MSI2: variants seen among roughly 807,000 people sequenced by gnomAD.
MSI2 encodes RNA-binding protein Musashi homolog 2.
A neutral mutation model predicts 45.6 loss-of-function variants in MSI2; 17 were observed. The ratio of observed to expected loss-of-function variants is 0.37; its 90% CI spans 0.26 to 0.56. MSI2 has a LOEUF of 0.56. Among genes scored for constraint, MSI2 ranks in the 20% least tolerant of loss-of-function variants. MSI2 has a pLI of 0.77. For missense variants in MSI2, 293 were observed against 444.2 expected (o/e 0.66, Z 3.06); for synonymous variants, 156 against 158.2 (o/e 0.99, Z 0.11).
chr17:57,293,059 C>T (rs898252458), intron 5 of MSI2, among the ~76,000 whole-genome samples: 1 of 151,960 alleles, frequency 6.6e-6, no homozygotes, highest in Admixed American at 6.5e-5. Context: ...TAGAGGTCAC[C>T]TGTTGTAAAT....
At chr17:57,521,570 C>G (rs944544533) in intron 6 of MSI2, among the ~76,000 whole-genome samples, 9 of 152,140 alleles carry the variant, frequency 5.9e-5, no homozygotes, top group Non-Finnish European at 1.2e-4. Flanking sequence ...GCAAGGAGTG[C>G]CTGCTCCTGA....
chr17:57,659,161 G>A (rs1911815688), intron 11 of MSI2, among the ~76,000 whole-genome samples: 1 of 152,280 alleles, frequency 6.6e-6, no homozygotes, highest in African/African-American at 2.4e-5. Flanking sequence ...CTGAGCTCAA[G>A]TGAACCTCTT....
At chr17:57,270,783 C>A (rs1908286170) in intron 5 of MSI2, among the ~76,000 whole-genome samples, 1 of 152,118 alleles carries the variant, frequency 6.6e-6, no homozygotes, top group African/African-American at 2.4e-5. Context: ...CGAAAAATGT[C>A]CCTGCCCCCA....
intron 11 of MSI2, among the ~76,000 whole-genome samples, chr17:57,672,566 AT>A (rs1338922051): frequency 6.6e-6 from 1 of 152,126 alleles, no homozygotes; most frequent in Non-Finnish European, 1.5e-5. Context: ...CTCCCCACCC[AT>A]TAGTTAGGTG....
At chr17:57,403,319 T>TCC (rs2084026862) in intron 6 of MSI2, among the ~76,000 whole-genome samples, 1 of 152,226 alleles carries the variant, frequency 6.6e-6, no homozygotes, top group Non-Finnish European at 1.5e-5. Flanking sequence ...TTTCTCTCTC[T>TCC]GTTGTTTTTC....
At chr17:57,331,317 G>A (rs1355520657) in intron 5 of MSI2, among the ~76,000 whole-genome samples, 2 of 152,160 alleles carry the variant, frequency 1.3e-5, no homozygotes, top group African/African-American at 2.4e-5. Context: ...GTGGTTCCTC[G>A]ATGAACCTGG....
intron 6 of MSI2, among the ~76,000 whole-genome samples, chr17:57,435,363 A>G (rs867403357): frequency 6.6e-6 from 1 of 152,216 alleles, no homozygotes; most frequent in South Asian, 2.1e-4. Context: ...GTGTTGGGGA[A>G]GAGGCAGATG....
intron 5 of MSI2, among the ~76,000 whole-genome samples, chr17:57,390,986 A>G (rs1415520177): frequency 2.6e-5 from 4 of 152,216 alleles, no homozygotes; most frequent in African/African-American, 9.6e-5. Flanking sequence ...ACTTCTGTTT[A>G]CAGGGAACTT....
At position 57,636,195 on chromosome 17, in the gene MSI2, CAG is replaced by C. The variant is rs149858765; in HGVS notation, c.727+8895_727+8896del. ...AGGGGTAGGGCTTGGATGTGGAAAT[CAG>C]AGTGAAGGGGTCCAAGTTCTCAGGA... On this transcript the variant is annotated intron_variant, in intron 10 of 13. Transcript: ENST00000284073. Among the ~76,000 whole-genome samples the C allele has an allele frequency of 2.0e-3, 301 of 152,204 alleles. 2 individuals carry two copies. Among genetic ancestry groups the C allele is most frequent in the African/African-American group, 6.6e-3 (273 of 41,536 alleles).
chr17:57,392,859 G>A (rs1295455969), intron 5 of MSI2, among the ~76,000 whole-genome samples: 1 of 151,942 alleles, frequency 6.6e-6, no homozygotes, highest in East Asian at 1.9e-4. Flanking sequence ...GGATCTCTCT[G>A]GCCTGTCATT....
Position 57,519,350 on chromosome 17 carries a change from C to T in MSI2, c.406-10326C>T, listed in dbSNP as rs117171223. Among the ~76,000 whole-genome samples, 169 of 152,200 alleles carry T rather than the reference C, an allele frequency of 1.1e-3. 1 individual carries two copies. The highest frequency in any genetic ancestry group is 1.9e-3 in the Non-Finnish European group (130 of 67,996). On this transcript the variant is annotated intron_variant, in intron 6 of 13. Coordinates refer to ENST00000284073, the MANE Select transcript of MSI2 (RefSeq NM_138962.4). Reference sequence around the variant, plus strand: ...TGATGAGCATTTTCTGTGTGGTAGGCGCTCACTGGCTACCACATGAGCCTT... The same window carrying T: ...TGATGAGCATTTTCTGTGTGGTAGGTGCTCACTGGCTACCACATGAGCCTT...
intron 6 of MSI2, among the ~76,000 whole-genome samples, chr17:57,519,463 C>T (rs1401320634): frequency 6.6e-6 from 1 of 152,120 alleles, no homozygotes; most frequent in Non-Finnish European, 1.5e-5. Flanking sequence ...GCCTGGACTG[C>T]GTTCCAGAGC....
intron 5 of MSI2, among the ~76,000 whole-genome samples, chr17:57,360,843 C>T (rs566381298): frequency 6.6e-6 from 1 of 152,298 alleles, no homozygotes; most frequent in South Asian, 2.1e-4. Context: ...CCCTTTGTAC[C>T]TGCGTACAAC....
Position 57,541,556 on chromosome 17 carries a change from C to T in MSI2, c.454+11832C>T, listed in dbSNP as rs1457037714. Reference sequence around the variant, plus strand: ...TTATTTCTTTATGTTGTCCCAGAAGCTCTTTCAGGCAGGAACATTTGCCAA... The same window carrying T: ...TTATTTCTTTATGTTGTCCCAGAAGTTCTTTCAGGCAGGAACATTTGCCAA... On this transcript the variant is annotated intron_variant, in intron 7 of 13. Transcript: ENST00000284073. 2.0e-5 allele frequency among the ~76,000 whole-genome samples: 3 copies of T among 152,158 alleles called. No homozygotes were observed. The East Asian group carries it at 5.8e-4, about 29-fold the overall frequency.
chr17:57,650,308 C>G (rs1041255966), intron 10 of MSI2, among the ~76,000 whole-genome samples: 2 of 152,214 alleles, frequency 1.3e-5, no homozygotes, highest in African/African-American at 4.8e-5. Context: ...CACCTGCACC[C>G]TCTCCCTCCA....
intron 5 of MSI2, among the ~76,000 whole-genome samples, chr17:57,341,385 G>A (rs1915142197): frequency 6.6e-6 from 1 of 152,254 alleles, no homozygotes; most frequent in Admixed American, 6.5e-5. Flanking sequence ...AGTGAGTTAA[G>A]TGTAACTAAA....
chr17:57,517,269 A>G (rs2086488066), intron 6 of MSI2, among the ~76,000 whole-genome samples: 1 of 152,196 alleles, frequency 6.6e-6, no homozygotes, highest in African/African-American at 2.4e-5. Flanking sequence ...GGCAGCCCAA[A>G]GGGGAAGGAG....
chr17:57,459,544 G>A (rs1400951907), intron 6 of MSI2, among the ~76,000 whole-genome samples: 1 of 152,182 alleles, frequency 6.6e-6, no homozygotes, highest in Non-Finnish European at 1.5e-5. Context: ...TGGGAACCCT[G>A]ATGTTTGATT....
intron 7 of MSI2, among the ~76,000 whole-genome samples, chr17:57,575,151 T>TCC (rs898555784): frequency 5.2e-5 from 6 of 114,378 alleles, no homozygotes; most frequent in South Asian, 3.0e-4. Context: ...TTTAACTCCC[T>TCC]CCCCCCGCCA....
Sources: allele counts gnomAD v4.1 joint callset (sites outside exome capture counted in the v4.1 genomes callset), GRCh38; gene constraint gnomAD v4.1.1; transcripts MANE v1.5; gene names NCBI Gene and HGNC (gene_info 2026-07-23, HGNC 2026-07-21).